EML5: variants seen among roughly 807,000 people sequenced by gnomAD.
The protein encoded by EML5 is EMAP like 5.
Under a neutral mutation model 250.0 loss-of-function variants are expected in EML5, and 120 were observed. The observed-to-expected ratio is 0.48, with a 90% CI of 0.41 to 0.56. The LOEUF is 0.56. Ranked by LOEUF, EML5 falls within the 20% of genes least tolerant of loss-of-function variation. The probability of loss-of-function intolerance (pLI) is 0.00; values close to 1 mark genes in which losing one functional copy is unlikely to be tolerated. For synonymous variants in EML5, 771 were observed against 806.5 expected (o/e 0.96, Z 0.75); for missense variants, 2,006 against 2,437.6 (o/e 0.82, Z 3.73).
At chr14:88,616,544 G>T (rs1031264084) in intron 42 of EML5, 182 bp downstream of exon 42, 4 of 630,016 alleles carry the variant, frequency 6.3e-6, no homozygotes, top group African/African-American at 1.8e-5. Flanking sequence ...TCCAAAGATG[G>T]TATTACTCGA....
chr14:88,751,377 C>A (rs2094091599), intron 2 of EML5, among the ~76,000 whole-genome samples: 1 of 152,066 alleles, frequency 6.6e-6, no homozygotes, highest in South Asian at 2.1e-4. Flanking sequence ...GAACAAAGGA[C>A]CTCAAGATTA....
chr14:88,645,559 C>G (rs2091307827), intron 29 of EML5, among the ~76,000 whole-genome samples: 1 of 152,172 alleles, frequency 6.6e-6, no homozygotes, highest in African/African-American at 2.4e-5. Flanking sequence ...TATGAACGTT[C>G]CACACTGTTA....
rs1161357449 is a variant in EML5 at position 88,662,298 on chromosome 14, G to A, written c.3499-468C>T. On this transcript the variant is annotated intron_variant, in intron 24 of 43. Coordinates refer to ENST00000554922, the MANE Select transcript of EML5 (RefSeq NM_183387.3). ...CCAAGATAAAAAATAAAAAAAAAAA[G>A]GCTAATATTGTCAGGCACAAAATGC... Among the ~76,000 whole-genome samples the A allele has an allele frequency of 6.5e-4, 86 of 131,506 alleles. 1 individual carries two copies. Among genetic ancestry groups the A allele is most frequent in the African/African-American group, 2.6e-3 (83 of 32,544 alleles). The allele number at this position is 131,506 out of a possible 152,430, so 86.3% of individuals were successfully genotyped here.
At chr14:88,704,036 G>A (rs926663394) in intron 13 of EML5, among the ~76,000 whole-genome samples, 3 of 152,096 alleles carry the variant, frequency 2.0e-5, no homozygotes, top group African/African-American at 7.2e-5. Context: ...ACCTTGTAAG[G>A]TAGGTACTTG....
intron 7 of EML5, among the ~76,000 whole-genome samples, chr14:88,726,897 G>T (rs999794033): frequency 6.6e-6 from 1 of 152,064 alleles, no homozygotes; most frequent in East Asian, 1.9e-4. Context: ...GCGACATCAC[G>T]TCACTCTGTC....
At chr14:88,638,964 G>T in intron 31 of EML5, 57 bp from the exon 32 acceptor site, 1 of 1,318,978 alleles carries the variant, frequency 7.6e-7, no homozygotes. Context: ...ACAGCCAAAA[G>T]CACTTACCCA....
intron 14 of EML5, among the ~76,000 whole-genome samples, chr14:88,700,251 T>C (rs904406840): frequency 1.3e-5 from 2 of 152,210 alleles, no homozygotes; most frequent in African/African-American, 4.8e-5. Flanking sequence ...ATTCTTTGTA[T>C]TTAATTCTCC....
intron 4 of EML5, among the ~76,000 whole-genome samples, chr14:88,743,239 C>T (rs1421248308): frequency 2.0e-5 from 3 of 151,994 alleles, no homozygotes; most frequent in Non-Finnish European, 1.5e-5. Flanking sequence ...AATATGAATA[C>T]ACAGTTTCAA....
chr14:88,639,898 A>G (rs2090963549), intron 31 of EML5, among the ~76,000 whole-genome samples: 1 of 152,106 alleles, frequency 6.6e-6, no homozygotes, highest in African/African-American at 2.4e-5. Flanking sequence ...AAGTTTTTTG[A>G]TCAAATAAGT....
chr14:88,778,684 CA>C (rs1279222890), intron 1 of EML5, among the ~76,000 whole-genome samples: 2 of 152,188 alleles, frequency 1.3e-5, no homozygotes. Context: ...GAGGCTGAGG[CA>C]GAGGAATCAC....
intron 10 of EML5, among the ~76,000 whole-genome samples, chr14:88,709,834 G>GA (rs1452581842): frequency 6.6e-6 from 1 of 152,118 alleles, no homozygotes; most frequent in Admixed American, 6.5e-5. Flanking sequence ...TTGCAGCAGT[G>GA]AAAAAAAGGC....
At chr14:88,690,378 C>T (rs566578042) in intron 17 of EML5, among the ~76,000 whole-genome samples, 11 of 152,304 alleles carry the variant, frequency 7.2e-5, no homozygotes, top group Admixed American at 1.3e-4. Context: ...AAGGCTATTT[C>T]AATCATCTGG....
At chr14:88,646,904 A>T in intron 29 of EML5, 43 bp downstream of exon 29, 1 of 1,577,590 alleles carries the variant, frequency 6.3e-7, no homozygotes, top group Non-Finnish European at 8.5e-7. Context: ...AGATGACAAA[A>T]ATACAAAGTT....
At chr14:88,706,035 T>C (rs1474262559) in intron 11 of EML5, among the ~76,000 whole-genome samples, 1 of 152,198 alleles carries the variant, frequency 6.6e-6, no homozygotes, top group Non-Finnish European at 1.5e-5. Context: ...TCTTCACTCA[T>C]TATTTGATAG....
At chr14:88,730,958 T>G (rs1001041377) in intron 7 of EML5, among the ~76,000 whole-genome samples, 1 of 152,204 alleles carries the variant, frequency 6.6e-6, no homozygotes, top group Non-Finnish European at 1.5e-5. Context: ...CTCTCTCGTT[T>G]TTTTTAACCA....
At chr14:88,697,065 T>G in intron 14 of EML5, 113 bp from the exon 15 acceptor site, 1 of 693,954 alleles carries the variant, frequency 1.4e-6, no homozygotes, top group South Asian at 3.6e-5. Flanking sequence ...CCACAGAAAT[T>G]TATTAAATAA....
At chr14:88,753,827 T>C (rs558955676) in intron 2 of EML5, among the ~76,000 whole-genome samples, 3 of 152,226 alleles carry the variant, frequency 2.0e-5, no homozygotes, top group African/African-American at 7.2e-5. Context: ...ATAGACAACC[T>C]TTAAGGTAAC....
At chr14:88,640,076 A>T (rs1192196399) in intron 31 of EML5, among the ~76,000 whole-genome samples, 1 of 152,186 alleles carries the variant, frequency 6.6e-6, no homozygotes, top group Non-Finnish European at 1.5e-5. Context: ...CATGAATACT[A>T]CTAGGCCCCC....
chr14:88,647,087 G>T, intron 28 of EML5, 132 bp from the exon 29 acceptor site: 2 of 779,952 alleles, frequency 2.6e-6, no homozygotes, highest in Non-Finnish European at 3.7e-6. Context: ...AATATTAAAG[G>T]CCTGTTGTTT....
Sources: allele counts gnomAD v4.1 joint callset (sites outside exome capture counted in the v4.1 genomes callset), GRCh38; gene constraint gnomAD v4.1.1; transcripts MANE v1.5; gene names NCBI Gene and HGNC (gene_info 2026-07-23, HGNC 2026-07-21).